ATP1A4: variants seen among roughly 807,000 people sequenced by gnomAD.
ATP1A4 encodes the protein ATPase Na+/K+ transporting subunit alpha 4.
In ATP1A4, 90 loss-of-function variants were observed where a neutral mutation model predicts 114.3. The ratio of observed to expected loss-of-function variants is 0.79; its 90% CI spans 0.66 to 0.94. The LOEUF (loss-of-function observed/expected upper bound fraction) is 0.94. Ranked by LOEUF, ATP1A4 falls within the 40% of genes least tolerant of loss-of-function variation. The pLI is 0.00. For synonymous variants in ATP1A4, 511 were observed against 494.1 expected (o/e 1.03, Z -0.45); for missense variants, 1,222 against 1,313.6 (o/e 0.93, Z 1.08).
rs1484639691 is a variant in ATP1A4 at position 160,153,157 on chromosome 1, C to T, written c.148-8C>T. 3 of 1,613,620 alleles carry T rather than the reference C, an allele frequency of 1.9e-6. 1 individual carries two copies. The highest frequency in any genetic ancestry group is 2.2e-5 in the South Asian group (2 of 91,068). On this transcript the variant is annotated splice_polypyrimidine_tract_variant and splice_region_variant and intron_variant, in intron 1 of 21. Coordinates refer to ENST00000368081, the MANE Select transcript of ATP1A4 (RefSeq NM_144699.4). Reference sequence around the variant, plus strand: ...CCCTGTCCCTCAATGCCTCTACTGTCCCCTCAGGATGATCACAAATTAACC... The same window carrying T: ...CCCTGTCCCTCAATGCCTCTACTGTTCCCTCAGGATGATCACAAATTAACC...
chr1:160,170,889 G>A lies in ATP1A4; in HGVS notation c.1492-362G>A, dbSNP rs1653225903. The A allele has an allele frequency of 6.3e-5, 11 of 175,374 alleles. No individual in the cohort carries two copies. In the South Asian group the frequency reaches 1.7e-3, roughly 27 times the overall value. 10.9% of individuals were successfully genotyped at this position (175,374 alleles called of 1,614,324 possible). ...CATGAGCCGCTACGCCTGGCCTTCCGACTCTTTTTCTTTCCTGTCTACTCT... is the reference window on the plus strand; with the variant it reads ...CATGAGCCGCTACGCCTGGCCTTCCAACTCTTTTTCTTTCCTGTCTACTCT... On this transcript the variant is annotated intron_variant, in intron 10 of 21. Transcript: ENST00000368081.
rs1191170627 is a variant in ATP1A4, at chr1:160,153,146, G to A, written c.148-19G>A. 1.2e-6 allele frequency: 2 copies of A among 1,612,222 alleles called. No homozygotes were observed. The highest frequency in any genetic ancestry group is 1.7e-6 in the Non-Finnish European group (2 of 1,178,544). The stretch of plus-strand genomic sequence containing the variant: ...CCTGGGCCACCCCCTGTCCCTCAAT[G>A]CCTCTACTGTCCCCTCAGGATGATC... On this transcript the variant is annotated intron_variant, in intron 1 of 21. Transcript: ENST00000368081.
In ATP1A4 at chr1:160,166,637, C is replaced by T. The variant is rs755503610; in HGVS notation, c.1157C>T (p.Thr386Met). The T allele has an allele frequency of 9.3e-6, 15 of 1,614,084 alleles. No individual in the cohort carries two copies. Among genetic ancestry groups the T allele is most frequent in the African/African-American group, 6.7e-5 (5 of 74,924 alleles). The stretch of plus-strand genomic sequence containing the variant: ...ACGTCCACCATCTGCTCAGACAAGA[C>T]GGGCACCCTCACCCAGAACCGCATG... Reference protein sequence around the residue: ...GSTSTICSDKTGTLTQNRMTV... With the variant: ...GSTSTICSDKMGTLTQNRMTV... The change falls in exon 8 of 22, where the codon ACG becomes ATG. Residue 386 changes from threonine to methionine, a missense_variant. Transcript: ENST00000368081.
chr1:160,177,484 C>G, intron 17 of ATP1A4, 35 bp from the exon 18 acceptor site: 2 of 1,608,798 alleles, frequency 1.2e-6, no homozygotes, highest in Non-Finnish European at 1.7e-6. Context: ...TTCTCTGAAC[C>G]AGGCTCCCCT....
chr1:160,153,309 GCCCCCTAACTTCAAGTCCAACGTTCCCAC>G (rs1244236967), intron 2 of ATP1A4, 85 bp downstream of exon 2: 2 of 1,254,034 alleles, frequency 1.6e-6, no homozygotes, highest in African/African-American at 2.9e-5. Context: ...TAGGAATCCA[GCCCCCTAACTTCAAGTCCAACGTTCCCAC>G]CCCTCACCCT....
Position 160,171,755 on chromosome 1 carries a change from A to G in ATP1A4, c.1852A>G (p.Lys618Glu). 3 of 1,613,878 alleles carry G rather than the reference A, an allele frequency of 1.9e-6. No individual in the cohort carries two copies. The highest frequency in any genetic ancestry group is 2.5e-6 in the Non-Finnish European group (3 of 1,179,898). ...AVSKCRSAGI[K>E]VIMVTGDHPI... The stretch of plus-strand genomic sequence containing the variant: ...GAGCAAGTGTCGCAGTGCAGGAATT[A>G]AGGTAAATACTTGCCCAGACCAGGA... The change falls in exon 12 of 22, where the codon AAG (lysine) becomes GAG (glutamate). Residue 618 changes from lysine to glutamate, a missense_variant and splice_region_variant. Transcript: ENST00000368081.
chr1:160,161,950 C>A (rs1235904927), intron 6 of ATP1A4, among the ~76,000 whole-genome samples: 2 of 152,164 alleles, frequency 1.3e-5, no homozygotes, highest in East Asian at 3.8e-4. Flanking sequence ...TATATTGGTC[C>A]TACTGGAAAC....
At position 160,181,821 on chromosome 1, in the gene ATP1A4, A is replaced by G; in HGVS notation, c.2867+7A>G. ...TTTTCCAGCAGGGCATGAGGTGAAC[A>G]TCTCACAAAACAGCCCAGCACTCTC... On this transcript the variant is annotated splice_region_variant and intron_variant, in intron 19 of 21. Transcript: ENST00000368081. The G allele has an allele frequency of 6.4e-7, 1 of 1,565,690 alleles. No homozygotes were observed. Among genetic ancestry groups the G allele is most frequent in the Non-Finnish European group, 8.6e-7 (1 of 1,161,980 alleles).
chr1:160,152,011 G>A lies in ATP1A4; in HGVS notation c.-30G>A. On this transcript the variant is annotated 5_prime_UTR_variant, in exon 1 of 22. Transcript: ENST00000368081. ...CTCTCTCAGCTTTCTTCCCACAGTT[G>A]AGCTCGGGCAGCTCTTTCTGGGGAT... 1 of 1,599,026 alleles carries A rather than the reference G, an allele frequency of 6.3e-7. No individual in the cohort carries two copies. Among genetic ancestry groups the A allele is most frequent in the Non-Finnish European group, 8.5e-7 (1 of 1,173,322 alleles).
At position 160,186,285 on chromosome 1, in the gene ATP1A4, G is replaced by A. The variant is rs749606904; in HGVS notation, c.2979G>A (p.Trp993Ter). The A allele has an allele frequency of 6.2e-7, 1 of 1,612,196 alleles. No homozygotes were observed. Among genetic ancestry groups the A allele is most frequent in the South Asian group, 1.1e-5 (1 of 91,030 alleles). Residue 993 changes from tryptophan to a stop codon, truncating the protein, a stop_gained, in exon 21 of 22, where the codon TGG becomes TGA. Transcript: ENST00000368081. LOFTEE classifies it high-confidence loss of function. ...ALRMYPLKIT[W>*]WLCAIPYSIL... ...CTCTTGCTCTCTACAGGATAACCTG[G>A]TGGCTCTGTGCCATTCCCTACAGTA... is the stretch of plus-strand genomic sequence containing the variant.
intron 6 of ATP1A4, among the ~76,000 whole-genome samples, chr1:160,159,814 G>A (rs1652806143): frequency 6.6e-6 from 1 of 152,208 alleles, no homozygotes; most frequent in Non-Finnish European, 1.5e-5. Flanking sequence ...ACAATTATTA[G>A]CTATTATTTT....
chr1:160,173,451 A>G, intron 12 of ATP1A4, 130 bp from the exon 13 acceptor site: 2 of 1,339,602 alleles, frequency 1.5e-6, no homozygotes, highest in Non-Finnish European at 2.1e-6. Flanking sequence ...CTACACCACA[A>G]GTTCTTGGGA....
chr1:160,151,993 A>G lies in ATP1A4; in HGVS notation c.-48A>G, dbSNP rs921799862. 4 of 1,579,744 alleles carry G rather than the reference A, an allele frequency of 2.5e-6. No homozygotes were observed. In the African/African-American group the frequency reaches 5.4e-5, roughly 22 times the overall value. On this transcript the variant is annotated 5_prime_UTR_variant, in exon 1 of 22. Coordinates refer to ENST00000368081, the MANE Select transcript of ATP1A4 (RefSeq NM_144699.4). Reference sequence around the variant, plus strand: ...TCCCTTCCCCTTGCCTCACTCTCTCAGCTTTCTTCCCACAGTTGAGCTCGG... The same window carrying G: ...TCCCTTCCCCTTGCCTCACTCTCTCGGCTTTCTTCCCACAGTTGAGCTCGG...
intron 9 of ATP1A4, 55 bp downstream of exon 9, chr1:160,167,132 C>A: frequency 1.9e-6 from 3 of 1,582,314 alleles, no homozygotes; most frequent in Non-Finnish European, 2.6e-6. Flanking sequence ...AACCTGACCT[C>A]TCCCAAAAAA....
At chr1:160,178,677 GAA>G (rs57025973) in intron 18 of ATP1A4, among the ~76,000 whole-genome samples, 28,539 of 144,642 alleles carry the variant, frequency 0.2, 3,178 homozygotes, top group African/African-American at 0.33. Context: ...CCGTCTCAAA[GAA>G]AAAAAAAAAC....
At chr1:160,154,686 G>A (rs1370695553) in intron 2 of ATP1A4, among the ~76,000 whole-genome samples, 1 of 152,066 alleles carries the variant, frequency 6.6e-6, no homozygotes, top group Non-Finnish European at 1.5e-5. Flanking sequence ...CATTGGCCCT[G>A]CACATTATAA....
At chr1:160,172,177 T>C (rs929093435) in intron 12 of ATP1A4, among the ~76,000 whole-genome samples, 2 of 152,168 alleles carry the variant, frequency 1.3e-5, no homozygotes, top group Non-Finnish European at 2.9e-5. Flanking sequence ...AGAAGGTCCA[T>C]GGAAACCTGA....
At position 160,159,417 on chromosome 1, in the gene ATP1A4, C is replaced by T; in HGVS notation, c.669C>T (p.Asn223=). ...LISAQGCKVD[N]SSLTGESEPQ... The stretch of plus-strand genomic sequence containing the variant: ...CCCCTCTCCCATCCCAGGTGGACAA[C>T]TCATCCTTGACTGGGGAGTCAGAAC... Residue 223 remains asparagine, a synonymous_variant, in exon 6 of 22, where the codon AAC becomes AAT. Transcript: ENST00000368081. The T allele has an allele frequency of 6.2e-7, 1 of 1,612,312 alleles. No individual in the cohort carries two copies. The highest frequency in any genetic ancestry group is 1.1e-5 in the South Asian group (1 of 90,680).
chr1:160,174,525 A>G, intron 14 of ATP1A4, 54 bp from the exon 15 acceptor site: 1 of 1,583,838 alleles, frequency 6.3e-7, no homozygotes, highest in Non-Finnish European at 8.6e-7. Context: ...CTTTGGGACT[A>G]GTTCTGGATC....
Sources: gnomAD v4.1 joint callset for allele counts (sites outside exome capture counted in the v4.1 genomes callset) on GRCh38, gnomAD v4.1.1 for gene constraint, MANE v1.5 for transcripts, NCBI Gene and HGNC (gene_info 2026-07-23, HGNC 2026-07-21) for gene names.